RNGTT: variants seen among roughly 807,000 people sequenced by gnomAD.
RNGTT encodes mRNA-capping enzyme.
A neutral mutation model predicts 79.3 loss-of-function variants in RNGTT; 33 were observed. That is an observed-to-expected ratio of 0.42 (90% CI 0.32 to 0.56). The LOEUF is 0.56. RNGTT is among the 20% of genes least tolerant of loss of function. The probability of loss-of-function intolerance (pLI) is 0.17; values close to 1 mark genes in which losing one functional copy is unlikely to be tolerated. For synonymous variants in RNGTT, 222 were observed against 235.9 expected (o/e 0.94, Z 0.54); for missense variants, 497 against 739.1 (o/e 0.67, Z 3.80).
intron 14 of RNGTT, among the ~76,000 whole-genome samples, chr6:88,629,713 G>T (rs537494604): frequency 3.3e-5 from 5 of 152,296 alleles, no homozygotes; most frequent in African/African-American, 9.6e-5. Context: ...TTAGGTAGCT[G>T]TGGTTACCAC....
intron 13 of RNGTT, among the ~76,000 whole-genome samples, chr6:88,693,237 C>T (rs1775545547): frequency 6.6e-6 from 1 of 151,572 alleles, no homozygotes. Flanking sequence ...CTTACCTAGA[C>T]TGAGAAAAAA....
At chr6:88,860,950 C>A (rs183870117) in intron 8 of RNGTT, among the ~76,000 whole-genome samples, 26 of 152,014 alleles carry the variant, frequency 1.7e-4, no homozygotes. Context: ...CTAACATATC[C>A]TTAATACCAA....
chr6:88,771,302 T>A (rs1039373897), intron 12 of RNGTT, among the ~76,000 whole-genome samples: 6 of 68,388 alleles, frequency 8.8e-5, no homozygotes, highest in Non-Finnish European at 1.4e-4. Flanking sequence ...TGTATGTATG[T>A]ATGTGTGTGT....
At chr6:88,752,986 T>C (rs181708377) in intron 13 of RNGTT, among the ~76,000 whole-genome samples, 3 of 152,234 alleles carry the variant, frequency 2.0e-5, no homozygotes, top group Non-Finnish European at 2.9e-5. Flanking sequence ...TGTCTTTATA[T>C]ACTCTTTGGA....
intron 13 of RNGTT, among the ~76,000 whole-genome samples, chr6:88,726,038 A>G (rs1048509820): frequency 8.5e-5 from 13 of 152,296 alleles, no homozygotes; most frequent in Admixed American, 5.9e-4. Context: ...AGAGAGTCAA[A>G]GAGAGATAGA....
At chr6:88,844,861 G>A (rs12523999) in intron 10 of RNGTT, among the ~76,000 whole-genome samples, 24,970 of 152,038 alleles carry the variant, frequency 0.16, 3,188 homozygotes, top group East Asian at 0.61. Context: ...GCTGAGGCAG[G>A]AGGATCACAT....
At chr6:88,691,098 C>T (rs1456438821) in intron 13 of RNGTT, among the ~76,000 whole-genome samples, 5 of 152,060 alleles carry the variant, frequency 3.3e-5, no homozygotes, top group Non-Finnish European at 7.4e-5. Flanking sequence ...AATTGTAATC[C>T]CCAATGTTGG....
chr6:88,771,313 G>GTGTGTGTGTA (rs1778659249), intron 12 of RNGTT, among the ~76,000 whole-genome samples: 4 of 47,736 alleles, frequency 8.4e-5, no homozygotes, highest in African/African-American at 2.8e-4. Context: ...ATGTGTGTGT[G>GTGTGTGTGTA]TGTATATATA....
chr6:88,692,485 A>G (rs1427213502), intron 13 of RNGTT, among the ~76,000 whole-genome samples: 1 of 152,158 alleles, frequency 6.6e-6, no homozygotes, highest in Non-Finnish European at 1.5e-5. Flanking sequence ...TAAATGTGAC[A>G]GCATGGATGA....
chr6:88,698,248 A>ATC (rs1775801226), intron 13 of RNGTT, among the ~76,000 whole-genome samples: 5 of 84,436 alleles, frequency 5.9e-5, no homozygotes, highest in Non-Finnish European at 9.6e-5. Context: ...ATATATATGA[A>ATC]ATATATATAT....
intron 6 of RNGTT, among the ~76,000 whole-genome samples, chr6:88,900,339 T>C (rs991564874): frequency 6.6e-6 from 1 of 152,146 alleles, no homozygotes; most frequent in African/African-American, 2.4e-5. Context: ...CAAATGGAAA[T>C]TCCAGGAGTG....
At chr6:88,801,531 A>G in intron 12 of RNGTT, 33 bp downstream of exon 12, 1 of 1,541,522 alleles carries the variant, frequency 6.5e-7, no homozygotes, top group Non-Finnish European at 8.9e-7. Context: ...CAAACACACA[A>G]ACGAACACAC....
At chr6:88,818,493 T>C (rs1365557816) in intron 11 of RNGTT, among the ~76,000 whole-genome samples, 1 of 152,130 alleles carries the variant, frequency 6.6e-6, no homozygotes, top group East Asian at 1.9e-4. Flanking sequence ...AAGAATCGCT[T>C]GAACCCGGGA....
chr6:88,954,649 A>G (rs1403857755), intron 1 of RNGTT, among the ~76,000 whole-genome samples: 2 of 151,990 alleles, frequency 1.3e-5, no homozygotes, highest in Non-Finnish European at 2.9e-5. Flanking sequence ...ACAGATATTT[A>G]GTCTCAATAA....
intron 6 of RNGTT, among the ~76,000 whole-genome samples, chr6:88,899,838 T>C (rs1783385426): frequency 6.6e-6 from 1 of 152,082 alleles, no homozygotes; most frequent in Admixed American, 6.6e-5. Context: ...CAATGGGAAA[T>C]AAAAGCTGGA....
At chr6:88,801,858 CAA>C (rs1491174124) in intron 11 of RNGTT, among the ~76,000 whole-genome samples, 1 of 148,130 alleles carries the variant, frequency 6.8e-6, no homozygotes, top group African/African-American at 2.5e-5. Context: ...CACACACACA[CAA>C]ATTTCCATTC....
rs115302953 is a variant in RNGTT, at chr6:88,741,847, A to T, written c.1439+27927T>A. Among the ~76,000 whole-genome samples, 772 of 152,270 alleles carry T rather than the reference A, an allele frequency of 5.1e-3. 5 individuals are homozygous for T. The highest frequency in any genetic ancestry group is 0.017 in the African/African-American group (714 of 41,556). ...TGTTTTCTTTCTCCATCTCCTCATA[A>T]ATATATACTAGCTTTATAATTGCAA... On this transcript the variant is annotated intron_variant, in intron 13 of 15. Transcript: ENST00000369485.
At chr6:88,748,472 T>C (rs1777738194) in intron 13 of RNGTT, among the ~76,000 whole-genome samples, 1 of 152,096 alleles carries the variant, frequency 6.6e-6, no homozygotes, top group African/African-American at 2.4e-5. Context: ...AATCTTACTT[T>C]ATCAATGGGA....
At chr6:88,815,316 T>G (rs1415948104) in intron 11 of RNGTT, among the ~76,000 whole-genome samples, 2 of 152,228 alleles carry the variant, frequency 1.3e-5, no homozygotes, top group Admixed American at 1.3e-4. Context: ...GCTTTGCTTT[T>G]GAGCCCCTCC....
Sources: allele counts gnomAD v4.1 joint callset (sites outside exome capture counted in the v4.1 genomes callset), GRCh38; gene constraint gnomAD v4.1.1; transcripts MANE v1.5; gene names NCBI Gene and HGNC (gene_info 2026-07-23, HGNC 2026-07-21).